The following KCNE1 variants were observed in gnomAD, a reference collection of about 807,000 sequenced individuals.
The protein encoded by KCNE1 is potassium voltage-gated channel subfamily E regulatory subunit 1.
Under a neutral mutation model 2.9 loss-of-function variants are expected in KCNE1, and 1 was observed. The ratio of observed to expected loss-of-function variants is 0.34; its 90% confidence interval spans 0.12 to 1.62. KCNE1 has a LOEUF of 1.62. KCNE1 is among the 40% of genes most tolerant of loss of function. The probability of loss-of-function intolerance (pLI) is 0.36; values close to 1 mark genes in which losing one functional copy is unlikely to be tolerated. For synonymous variants in KCNE1, 23 were observed against 65.4 expected, an observed-to-expected ratio of 0.35 and a Z score of 3.13; for missense variants, 45 against 150.5, an observed-to-expected ratio of 0.30 and a Z score of 3.67.
chr21:34,502,725 A>G (rs896728495), intron 2 of KCNE1, among the ~76,000 whole-genome samples: 13 of 152,178 alleles, frequency 8.5e-5, no homozygotes, highest in Admixed American at 7.2e-4. Flanking sequence ...TTCTCTGTGG[A>G]CACATGTGAA....
At chr21:34,497,208 T>C (rs778240933) in intron 2 of KCNE1, among the ~76,000 whole-genome samples, 1 of 152,234 alleles carries the variant, frequency 6.6e-6, no homozygotes, top group Non-Finnish European at 1.5e-5. Flanking sequence ...ATTGTGCTAG[T>C]TGTTGCCTGA....
intron 2 of KCNE1, among the ~76,000 whole-genome samples, chr21:34,499,201 T>G (rs1983005070): frequency 6.6e-6 from 1 of 152,156 alleles, no homozygotes; most frequent in East Asian, 1.9e-4. Flanking sequence ...CTCACCCAGC[T>G]CCCACACAGT....
chr21:34,502,504 C>T (rs1983225961), intron 2 of KCNE1, among the ~76,000 whole-genome samples: 1 of 152,336 alleles, frequency 6.6e-6, no homozygotes, highest in Middle Eastern at 3.4e-3. Flanking sequence ...AAGACATGTC[C>T]TGTCCTTTAT....
chr21:34,496,076 C>CTT (rs147332706), intron 2 of KCNE1, among the ~76,000 whole-genome samples: 29 of 149,654 alleles, frequency 1.9e-4, no homozygotes, highest in African/African-American at 6.9e-4. Flanking sequence ...AGCTCAAATA[C>CTT]TTTTTTTTTT....
intron 2 of KCNE1, among the ~76,000 whole-genome samples, chr21:34,500,799 G>T (rs929133897): frequency 6.6e-6 from 1 of 152,102 alleles, no homozygotes; most frequent in Non-Finnish European, 1.5e-5. Flanking sequence ...AGTGGTTAAT[G>T]GCAGGCATTT....
chr21:34,499,176 G>A (rs1254314626), intron 2 of KCNE1, among the ~76,000 whole-genome samples: 1 of 152,144 alleles, frequency 6.6e-6, no homozygotes, highest in Non-Finnish European at 1.5e-5. Context: ...AGGGAAGTAG[G>A]GGAAAGCAAT....
At chr21:34,508,058 G>T (rs983560126) in intron 2 of KCNE1, among the ~76,000 whole-genome samples, 1 of 151,744 alleles carries the variant, frequency 6.6e-6, no homozygotes, top group Non-Finnish European at 1.5e-5. Context: ...ACAGGGTCTT[G>T]CTCTGTGGTC....
chr21:34,511,409 C>G, intron 1 of KCNE1, 94 bp from the exon 2 acceptor site: 5 of 459,588 alleles, frequency 1.1e-5, no homozygotes, highest in Non-Finnish European at 1.4e-5. Context: ...CATGAGGGCT[C>G]CACCCTTATG....
At chr21:34,503,005 C>T (rs1457081438) in intron 2 of KCNE1, among the ~76,000 whole-genome samples, 1 of 152,230 alleles carries the variant, frequency 6.6e-6, no homozygotes, top group Non-Finnish European at 1.5e-5. Flanking sequence ...TAAAGCAATT[C>T]TGCAGCACAC....
In KCNE1 at chr21:34,451,699, T is replaced by C. The variant is rs908578683; in HGVS notation, c.-50-2015A>G. ...CCTCTTCCTCTACCCATCTCTGAACTCTGGCTGTGTCTCAGAGTTCTGTTA... is the reference window on the plus strand; with the variant it reads ...CCTCTTCCTCTACCCATCTCTGAACCCTGGCTGTGTCTCAGAGTTCTGTTA... On this transcript the variant is annotated intron_variant, in intron 3 of 3. Transcript: ENST00000399286. Among the ~76,000 whole-genome samples, 5 of 66,148 alleles carry C rather than the reference T, an allele frequency of 7.6e-5. 2 individuals are homozygous for C. Among genetic ancestry groups the C allele is most frequent in the Non-Finnish European group, 1.5e-4 (5 of 34,266 alleles). 43.4% of individuals were successfully genotyped at this position (66,148 alleles called of 152,430 possible). A position where few individuals can be genotyped will look rare whatever the true frequency, so the allele number is the denominator to read the frequency against.
In KCNE1 at chr21:34,508,999, T is replaced by C. The variant is rs111858169; in HGVS notation, c.-162+2102A>G. ...ACAACTACTGTGTATTTTCTCACAC[T>C]ACTTTGTGGAGGTTTAAAAACACCA... On this transcript the variant is annotated intron_variant, in intron 2 of 3. Coordinates refer to ENST00000399286, the MANE Select transcript of KCNE1 (RefSeq NM_000219.6). Among the ~76,000 whole-genome samples the C allele has an allele frequency of 7.9e-3, 1,205 of 152,388 alleles. 20 individuals are homozygous for C. The highest frequency in any genetic ancestry group is 0.027 in the African/African-American group (1,136 of 41,598).
chr21:34,509,585 A>C (rs1983712245), intron 2 of KCNE1: 3 of 152,164 alleles, frequency 2.0e-5, no homozygotes, highest in African/African-American at 7.3e-5. Flanking sequence ...CCTCCCCAGT[A>C]GCTGGGACTA....
chr21:34,510,102 A>G (rs1983752677), intron 2 of KCNE1: 1 of 152,284 alleles, frequency 6.6e-6, no homozygotes, highest in Non-Finnish European at 1.5e-5. Flanking sequence ...TGTCCTGCCC[A>G]CACTCAAGGG....
chr21:34,504,807 C>T (rs1479217696), intron 2 of KCNE1, among the ~76,000 whole-genome samples: 1 of 152,120 alleles, frequency 6.6e-6, no homozygotes, highest in East Asian at 1.9e-4. Flanking sequence ...CAAAAGACCT[C>T]CTGTTATGTG....
Position 34,508,033 on chromosome 21 carries a change from CT to C in KCNE1, c.-162+3067del, listed in dbSNP as rs552851295. Among the ~76,000 whole-genome samples, 993 of 146,064 alleles carry C rather than the reference CT, an allele frequency of 6.8e-3. 7 individuals are homozygous for C. Among genetic ancestry groups the C allele is most frequent in the Non-Finnish European group, 0.01 (671 of 65,954 alleles). ...CAAGATGGTTTGTTGCTGTTGGGTT[CT>C]TTTTTTTTTTGAGACAGGGTCTTGC... is the stretch of plus-strand genomic sequence containing the variant. On this transcript the variant is annotated intron_variant, in intron 2 of 3. Transcript: ENST00000399286.
chr21:34,503,928 C>T (rs1025188251), intron 2 of KCNE1, among the ~76,000 whole-genome samples: 1 of 152,174 alleles, frequency 6.6e-6, no homozygotes, highest in Non-Finnish European at 1.5e-5. Flanking sequence ...TTTGTAGCAC[C>T]CCAAACCAGT....
At chr21:34,497,920 C>T (rs1308832881) in intron 2 of KCNE1, among the ~76,000 whole-genome samples, 2 of 151,288 alleles carry the variant, frequency 1.3e-5, no homozygotes, top group Non-Finnish European at 2.9e-5. Context: ...TGGGTTCATT[C>T]AAAAGTCTTG....
chr21:34,509,486 C>A (rs970368249), intron 2 of KCNE1: 1 of 151,584 alleles, frequency 6.6e-6, no homozygotes, highest in African/African-American at 2.4e-5. Flanking sequence ...GACAGAGTCT[C>A]GCTCTGTCAC....
At chr21:34,510,723 G>A (rs116753013) in intron 2 of KCNE1, 2,800 of 152,574 alleles carry the variant, frequency 0.018, 87 homozygotes, top group African/African-American at 0.064. Context: ...GGGCGCTGCT[G>A]CCCTGGCTGG....
Sources: allele counts gnomAD v4.1 joint callset (sites outside exome capture counted in the v4.1 genomes callset), GRCh38; gene constraint gnomAD v4.1.1; transcripts MANE v1.5; gene names NCBI Gene and HGNC (gene_info 2026-07-23, HGNC 2026-07-21).